ARHGEF7: variants seen among roughly 807,000 people sequenced by gnomAD.
ARHGEF7 encodes PAK-interacting exchange factor beta.
In ARHGEF7, 33 loss-of-function variants were observed where a neutral mutation model predicts 109.8. That is an observed-to-expected ratio of 0.30 (90% CI 0.23 to 0.40). The LOEUF (loss-of-function observed/expected upper bound fraction) is 0.40, where lower values mean the gene tolerates loss of function less well. ARHGEF7 is among the 10% of genes least tolerant of loss of function. The probability of loss-of-function intolerance (pLI) is 1.00; values close to 1 mark genes in which losing one functional copy is unlikely to be tolerated. For missense variants in ARHGEF7, 938 were observed against 1,098.5 expected, an observed-to-expected ratio of 0.85 and a Z score of 2.07; for synonymous variants, 458 against 424.6, an observed-to-expected ratio of 1.08 and a Z score of -0.97.
At chr13:111,286,447 G>C in intron 17 of ARHGEF7, among the ~76,000 whole-genome samples, 1 of 152,140 alleles carries the variant, frequency 6.6e-6, no homozygotes, top group East Asian at 1.9e-4. Flanking sequence ...TGAAGCCTCC[G>C]TGCCAGTCCC....
chr13:111,189,354 G>A (rs908428981), intron 2 of ARHGEF7, among the ~76,000 whole-genome samples: 3 of 152,146 alleles, frequency 2.0e-5, no homozygotes, highest in Non-Finnish European at 4.4e-5. Context: ...ATGTGTCAGA[G>A]TTTCTTCTTT....
chr13:111,130,171 G>A (rs894596104), intron 1 of ARHGEF7, among the ~76,000 whole-genome samples: 1 of 152,190 alleles, frequency 6.6e-6, no homozygotes, highest in Non-Finnish European at 1.5e-5. Context: ...GTAAATCAGT[G>A]CTCGCTTGGG....
intron 8 of ARHGEF7, among the ~76,000 whole-genome samples, chr13:111,253,041 C>G (rs912642409): frequency 6.6e-6 from 1 of 152,248 alleles, no homozygotes; most frequent in Non-Finnish European, 1.5e-5. Flanking sequence ...GGAGCCCAGG[C>G]CCCCTTCTCC....
chr13:111,168,054 G>T (rs1256007126), intron 2 of ARHGEF7, among the ~76,000 whole-genome samples: 1 of 152,200 alleles, frequency 6.6e-6, no homozygotes, highest in East Asian at 1.9e-4. Flanking sequence ...GCAGAGTGAG[G>T]TCCTTCTGCT....
intron 2 of ARHGEF7, among the ~76,000 whole-genome samples, chr13:111,174,894 G>T (rs2077979379): frequency 6.6e-6 from 1 of 152,214 alleles, no homozygotes; most frequent in East Asian, 1.9e-4. Context: ...GGTTGGTTTT[G>T]TGCAGCACAT....
intron 16 of ARHGEF7, 134 bp downstream of exon 16, chr13:111,283,497 G>C (rs1311507949): frequency 1.4e-6 from 2 of 1,394,902 alleles, no homozygotes; most frequent in Middle Eastern, 2.6e-4. Flanking sequence ...GGGGGGGTCT[G>C]CCTTGGTTCT....
At chr13:111,220,461 T>C (rs1249579129) in intron 5 of ARHGEF7, among the ~76,000 whole-genome samples, 1 of 152,208 alleles carries the variant, frequency 6.6e-6, no homozygotes, top group African/African-American at 2.4e-5. Context: ...GTATTTCTCC[T>C]TGTGGATTTT....
At chr13:111,172,017 T>C (rs1029304383) in intron 2 of ARHGEF7, among the ~76,000 whole-genome samples, 2 of 152,214 alleles carry the variant, frequency 1.3e-5, no homozygotes, top group Non-Finnish European at 2.9e-5. Context: ...CTGTGGCTTA[T>C]GAGCCGCCCA....
At chr13:111,203,191 T>G in intron 2 of ARHGEF7, 1 of 952,662 alleles carries the variant, frequency 1.0e-6, no homozygotes, top group Admixed American at 3.0e-5. Flanking sequence ...ACTTGAATTT[T>G]CAGAGCACTA....
In ARHGEF7 at chr13:111,131,228, G is replaced by A. The variant is rs2074729427; in HGVS notation, c.165+15537G>A. Among the ~76,000 whole-genome samples, 1 of 152,108 alleles carries A rather than the reference G, an allele frequency of 6.6e-6. No homozygotes were observed. Among genetic ancestry groups the A allele is most frequent in the South Asian group, 2.1e-4 (1 of 4,826 alleles). ...GCTGGAGTGGAGGCAGTGCTGACAA[G>A]GAGATGGGGATGGCACCAAGGGAGC... On this transcript the variant is annotated intron_variant, in intron 1 of 21. Transcript: ENST00000646102. This position sits in a 1 kb window ranked among gnomAD's most constrained non-coding sequence, Gnocchi z 4.4.
At chr13:111,253,136 G>A (rs1458758251) in intron 8 of ARHGEF7, among the ~76,000 whole-genome samples, 3 of 152,246 alleles carry the variant, frequency 2.0e-5, no homozygotes, top group East Asian at 1.9e-4. Context: ...TCTCAGGATA[G>A]CATTTGAAAT....
rs150255522 is a variant in ARHGEF7, at chr13:111,239,952, G to A, written c.760-3920G>A. ...TCATTTAAGAAGCAGCTCCAAGTAA[G>A]ACTCTACATTGGGCTGGAAGGTCGA... is the stretch of plus-strand genomic sequence containing the variant. On this transcript the variant is annotated intron_variant, in intron 6 of 21. Coordinates refer to ENST00000646102, the MANE Select transcript of ARHGEF7 (RefSeq NM_001354046.2). The surrounding 1 kb of genome is among the most constrained non-coding windows in gnomAD (Gnocchi z 4.3). 8.5e-5 allele frequency among the ~76,000 whole-genome samples: 13 copies of A among 152,298 alleles called. No homozygotes were observed. In the East Asian group the frequency reaches 2.5e-3, roughly 29 times the overall value.
chr13:111,150,824 T>C (rs547427146), intron 1 of ARHGEF7, among the ~76,000 whole-genome samples: 5 of 152,202 alleles, frequency 3.3e-5, no homozygotes, highest in Non-Finnish European at 5.9e-5. Flanking sequence ...AACTTCTTTG[T>C]TGGGGTGAGC....
chr13:111,244,637 G>T (rs558196596), intron 8 of ARHGEF7, among the ~76,000 whole-genome samples: 66 of 152,314 alleles, frequency 4.3e-4, no homozygotes, highest in Non-Finnish European at 4.0e-4. Flanking sequence ...GTGCTGCGCA[G>T]GGGGCCTTGA....
At chr13:111,163,740 G>A (rs1258355304) in intron 2 of ARHGEF7, among the ~76,000 whole-genome samples, 1 of 151,942 alleles carries the variant, frequency 6.6e-6, no homozygotes, top group Non-Finnish European at 1.5e-5. Context: ...TTGCCATGTT[G>A]CCCAGGCTGA....
intron 6 of ARHGEF7, 45 bp downstream of exon 6, chr13:111,233,338 C>A: frequency 6.8e-7 from 1 of 1,461,640 alleles, no homozygotes; most frequent in Non-Finnish European, 9.6e-7. Context: ...TTTTTGACTG[C>A]CTGTAAAACT....
At position 111,221,229 on chromosome 13, in the gene ARHGEF7, ATATAGATATATATGTC is replaced by A. The variant is rs1253780758; in HGVS notation, c.670+3354_670+3369del. 9.7e-3 allele frequency among the ~76,000 whole-genome samples: 546 copies of A among 56,520 alleles called. 9 individuals are homozygous for A. Among genetic ancestry groups the A allele is most frequent in the Middle Eastern group, 0.029 (1 of 34 alleles). 37.1% of individuals were successfully genotyped at this position (56,520 alleles called of 152,430 possible). On this transcript the variant is annotated intron_variant, in intron 5 of 21. Transcript: ENST00000646102. ...TAGATATATATGTCTATATATATCTATATAGATATATATGTCTATATATATCTATATAGATATATAT... is the reference window on the plus strand; with the variant it reads ...TAGATATATATGTCTATATATATCTATATATATATCTATATAGATATATAT...
intron 2 of ARHGEF7, among the ~76,000 whole-genome samples, chr13:111,194,221 C>T (rs2080237676): frequency 6.6e-6 from 1 of 152,212 alleles, no homozygotes; most frequent in Admixed American, 6.5e-5. Context: ...TGCTCTCTCT[C>T]TGATATATAA....
chr13:111,225,005 G>A (rs908492169), intron 5 of ARHGEF7, among the ~76,000 whole-genome samples: 2 of 152,166 alleles, frequency 1.3e-5, no homozygotes, highest in Non-Finnish European at 2.9e-5. Flanking sequence ...CGTAGGGAGC[G>A]TATTATAGCA....
Sources: gnomAD v4.1 joint callset for allele counts (sites outside exome capture counted in the v4.1 genomes callset) on GRCh38, gnomAD v4.1.1 for gene constraint, Gnocchi (gnomAD v3.1) non-coding constraint, MANE v1.5 for transcripts, NCBI Gene and HGNC (gene_info 2026-07-23, HGNC 2026-07-21) for gene names.